The following ALG9 variants were observed in gnomAD, a reference collection of about 807,000 sequenced individuals.
The protein encoded by ALG9 is ALG9 alpha-1,2-mannosyltransferase.
Under a neutral mutation model 81.8 loss-of-function variants are expected in ALG9, and 55 were observed. The observed-to-expected ratio is 0.67, with a 90% CI of 0.54 to 0.84. The LOEUF is 0.84. Ranked by LOEUF, ALG9 falls within the 40% of genes least tolerant of loss-of-function variation. ALG9 has a pLI of 0.00. For missense variants in ALG9, 629 were observed against 745.0 expected, an observed-to-expected ratio of 0.84 and a Z score of 1.81; for synonymous variants, 278 against 274.3, an observed-to-expected ratio of 1.01 and a Z score of -0.13.
At chr11:111,854,178 G>A (rs1399947478) in intron 6 of ALG9, among the ~76,000 whole-genome samples, 14 of 130,308 alleles carry the variant, frequency 1.1e-4, no homozygotes, top group African/African-American at 3.5e-4. Context: ...GCTCACTACC[G>A]CCTCCATCTC....
chr11:111,864,009 C>T (rs1174873215), intron 4 of ALG9, among the ~76,000 whole-genome samples: 4 of 152,112 alleles, frequency 2.6e-5, no homozygotes, highest in Admixed American at 6.5e-5. Context: ...TGGTTTCAAA[C>T]GAGAAGTCAC....
At chr11:111,868,293 T>C (rs1268857181) in intron 3 of ALG9, among the ~76,000 whole-genome samples, 7 of 152,192 alleles carry the variant, frequency 4.6e-5, no homozygotes, top group Non-Finnish European at 1.0e-4. Context: ...TATTCCACCG[T>C]ACATTGTACT....
chr11:111,799,897 C>T (rs1456831453), intron 14 of ALG9, among the ~76,000 whole-genome samples: 1 of 152,198 alleles, frequency 6.6e-6, no homozygotes, highest in East Asian at 1.9e-4. Context: ...TCCACTTTTA[C>T]TCATGATTGC....
At chr11:111,815,267 T>C (rs78512174) in intron 13 of ALG9, among the ~76,000 whole-genome samples, 2 of 152,136 alleles carry the variant, frequency 1.3e-5, no homozygotes, top group Admixed American at 6.5e-5. Flanking sequence ...TGGCTCAGTG[T>C]GGTGGCTCGC....
intron 5 of ALG9, among the ~76,000 whole-genome samples, chr11:111,859,650 G>T (rs190778963): frequency 1.3e-5 from 2 of 152,118 alleles, no homozygotes; most frequent in Admixed American, 6.6e-5. Flanking sequence ...GAGGACAAAG[G>T]GGGCAGAGGA....
intron 5 of ALG9, among the ~76,000 whole-genome samples, chr11:111,858,369 G>C (rs1233400727): frequency 6.6e-6 from 1 of 152,162 alleles, no homozygotes; most frequent in Non-Finnish European, 1.5e-5. Context: ...TATATTTCCA[G>C]GAAGGGAATA....
the ALG9 span, among the ~76,000 whole-genome samples, chr11:111,774,852 G>T: frequency 1.3e-5 from 2 of 152,134 alleles, no homozygotes; most frequent in Non-Finnish European, 1.5e-5. Flanking sequence ...AGTAACTCCT[G>T]CCCAGCTATT....
intron 8 of ALG9, among the ~76,000 whole-genome samples, chr11:111,850,112 C>T (rs1356747851): frequency 1.3e-5 from 2 of 152,090 alleles, no homozygotes; most frequent in African/African-American, 4.8e-5. Flanking sequence ...AATTAGCTGA[C>T]AATCATGAAG....
chr11:111,768,832 T>TGTGTGC, the ALG9 span: 6 of 132,244 alleles, frequency 4.5e-5, no homozygotes, highest in South Asian at 2.5e-4. Context: ...CAGCTTCGTG[T>TGTGTGC]GTGTGTGTGC....
At chr11:111,815,242 AT>A (rs138707354) in intron 13 of ALG9, among the ~76,000 whole-genome samples, 4 of 152,042 alleles carry the variant, frequency 2.6e-5, no homozygotes, top group Non-Finnish European at 4.4e-5. Context: ...CTACAAAAAA[AT>A]TTTTTTTAAA....
rs60312459 is a variant in ALG9, at chr11:111,870,382, CAAAAAAAAAAAA to C, written c.132-24_132-13del. On this transcript the variant is annotated splice_polypyrimidine_tract_variant and intron_variant, in intron 1 of 14. Coordinates refer to ENST00000616540, the MANE Select transcript of ALG9 (RefSeq NM_024740.2). ...TGTTCCCAGATAACCTGTTCAAAAG[CAAAAAAAAAAAA>C]AAAAAAAAAAGCATGTCAGGAAGGA... 3 of 969,600 alleles carry C rather than the reference CAAAAAAAAAAAA, an allele frequency of 3.1e-6. No individual in the cohort carries two copies. Among genetic ancestry groups the C allele is most frequent in the African/African-American group, 7.4e-5 (2 of 26,850 alleles). 60.1% of individuals were successfully genotyped at this position (969,600 alleles called of 1,614,324 possible).
At chr11:111,827,430 G>A (rs1489644747) in intron 13 of ALG9, among the ~76,000 whole-genome samples, 1 of 152,042 alleles carries the variant, frequency 6.6e-6, no homozygotes, top group Non-Finnish European at 1.5e-5. Flanking sequence ...GGGTCGAGAT[G>A]GGCAATAAGA....
chr11:111,836,234 T>C lies in ALG9; in HGVS notation c.1533A>G (p.Glu511=), dbSNP rs377345625. Residue 511 remains glutamate, a synonymous_variant, in exon 13 of 15, where the codon GAA becomes GAG. Coordinates refer to ENST00000616540, the MANE Select transcript of ALG9 (RefSeq NM_024740.2). Reference sequence around the variant, plus strand: ...GAACAATCCGGGTGGCCAGAGGTCCTTCTGCAAAAGGTTTTGGTAACTGAC... The same window carrying C: ...GAACAATCCGGGTGGCCAGAGGTCCCTCTGCAAAAGGTTTTGGTAACTGAC... ...FRGQLPKPFA[E]GPLATRIVPT... is the part of the protein sequence containing the mutation. The C allele has an allele frequency of 2.6e-5, 42 of 1,613,970 alleles. No individual in the cohort carries two copies. The highest frequency in any genetic ancestry group is 3.5e-5 in the Non-Finnish European group (41 of 1,179,978).
chr11:111,838,180 C>T, intron 11 of ALG9, 69 bp downstream of exon 11: 1 of 1,582,946 alleles, frequency 6.3e-7, no homozygotes, highest in South Asian at 1.1e-5. Flanking sequence ...ATTATATAAT[C>T]ATGAATCAAG....
chr11:111,819,095 G>T (rs1428047805), intron 13 of ALG9, among the ~76,000 whole-genome samples: 2 of 152,240 alleles, frequency 1.3e-5, no homozygotes, highest in Non-Finnish European at 2.9e-5. Context: ...TCTGAAGACT[G>T]AGAAAAGGCA....
At chr11:111,774,188 C>T in the ALG9 span, among the ~76,000 whole-genome samples, 8 of 151,486 alleles carry the variant, frequency 5.3e-5, no homozygotes, top group African/African-American at 1.7e-4. Flanking sequence ...ACCAGCCTGA[C>T]CAACATGAAG....
intron 14 of ALG9, among the ~76,000 whole-genome samples, chr11:111,807,499 T>C (rs1555086323): frequency 2.0e-5 from 3 of 152,236 alleles, no homozygotes; most frequent in African/African-American, 7.2e-5. Flanking sequence ...GAACTCTCAA[T>C]GCTCCTCTTA....
chr11:111,856,284 A>G (rs1339041922), intron 6 of ALG9, among the ~76,000 whole-genome samples: 4 of 150,600 alleles, frequency 2.7e-5, no homozygotes, highest in South Asian at 2.1e-4. Context: ...CTCAAAAAAA[A>G]AAAAAAAAAA....
At position 111,850,706 on chromosome 11, in the gene ALG9, C is replaced by CAAAAAAAAAAAA. The variant is rs782114013; in HGVS notation, c.895+2662_895+2673dup. On this transcript the variant is annotated intron_variant, in intron 8 of 14. Transcript: ENST00000616540. ...CGGGTGACAGAGCGAGATACTGTCT[C>CAAAAAAAAAAAA]AAAAAAAAAAAAAAAAAATCAGACA... Among the ~76,000 whole-genome samples, 7 of 66,678 alleles carry CAAAAAAAAAAAA rather than the reference C, an allele frequency of 1.0e-4. No homozygotes were observed. The South Asian group carries it at 2.2e-3, about 21-fold the overall frequency. The allele number at this position is 66,678 out of a possible 152,430, so 43.7% of individuals were successfully genotyped here.
Sources: gnomAD v4.1 joint callset for allele counts (sites outside exome capture counted in the v4.1 genomes callset) on GRCh38, gnomAD v4.1.1 for gene constraint, MANE v1.5 for transcripts, NCBI Gene and HGNC (gene_info 2026-07-23, HGNC 2026-07-21) for gene names.